TLN2: variants seen among roughly 807,000 people sequenced by gnomAD.
TLN2 encodes the protein talin 2.
Under a neutral mutation model 294.7 loss-of-function variants are expected in TLN2, and 118 were observed. The observed-to-expected ratio is 0.40, with a 90% CI of 0.34 to 0.47. The LOEUF is 0.47. TLN2 is among the 20% of genes least tolerant of loss of function. The pLI is 0.84. For missense variants in TLN2, 3,083 were observed against 3,282.2 expected (o/e 0.94, Z 1.48); for synonymous variants, 1,431 against 1,304.5 (o/e 1.10, Z -2.09).
intron 5 of TLN2, 89 bp downstream of exon 5, chr15:62,650,270 C>T (rs553090637): frequency 2.2e-6 from 3 of 1,341,896 alleles, no homozygotes; most frequent in Admixed American, 3.8e-5. Flanking sequence ...TATTTTGATT[C>T]AAGGGCATCT....
At chr15:62,509,455 C>G (rs930626782) in intron 1 of TLN2, among the ~76,000 whole-genome samples, 2 of 152,174 alleles carry the variant, frequency 1.3e-5, no homozygotes, top group Non-Finnish European at 2.9e-5. Context: ...CAGCTGGCAT[C>G]TCAAATCTGA....
rs372145437 is a variant in TLN2 at position 62,653,261 on chromosome 15, G to T, written c.464G>T (p.Arg155Leu). Residue 155 changes from arginine to leucine, a missense_variant, in exon 7 of 59, where the codon CGA becomes CTA. Coordinates refer to ENST00000636159, the MANE Select transcript of TLN2 (RefSeq NM_015059.3). ...CTCAAAAAAGACAGGACACTGTTAC[G>T]AGATGAGAGGAAAATGGAGAAGTTG... ...GTLKKDRTLL[R>L]DERKMEKLKA... 1.2e-6 allele frequency: 2 copies of T among 1,613,868 alleles called. No homozygotes were observed. Among genetic ancestry groups the T allele is most frequent in the Non-Finnish European group, 1.7e-6 (2 of 1,179,970 alleles).
At position 62,763,502 on chromosome 15, in the gene TLN2, G is replaced by A. The variant is rs1231591249; in HGVS notation, c.4962-61G>A. On this transcript the variant is annotated intron_variant, in intron 39 of 58. Coordinates refer to ENST00000636159, the MANE Select transcript of TLN2 (RefSeq NM_015059.3). The stretch of plus-strand genomic sequence containing the variant: ...CAGGGATCCTGGCCCACCAGTGCTG[G>A]AGCAGGCTGTGGGACTTGAGCCCCA... 8 of 1,545,756 alleles carry A rather than the reference G, an allele frequency of 5.2e-6. No homozygotes were observed. The East Asian group carries it at 1.6e-4, about 31-fold the overall frequency.
chr15:62,418,855 G>A (rs1202451593), intron 1 of TLN2, among the ~76,000 whole-genome samples: 2 of 152,140 alleles, frequency 1.3e-5, no homozygotes, highest in Non-Finnish European at 2.9e-5. Flanking sequence ...TCACAATGGT[G>A]GAATGTCATC....
intron 41 of TLN2, among the ~76,000 whole-genome samples, chr15:62,767,798 A>G (rs1247163779): frequency 6.6e-6 from 1 of 152,114 alleles, no homozygotes; most frequent in Non-Finnish European, 1.5e-5. Flanking sequence ...GAAGCTGGAC[A>G]TTTTTTCAGC....
intron 1 of TLN2, among the ~76,000 whole-genome samples, chr15:62,460,193 C>G (rs140442513): frequency 6.6e-6 from 1 of 152,030 alleles, no homozygotes; most frequent in Non-Finnish European, 1.5e-5. Context: ...AGCCATGTGT[C>G]CTAGCAGGTT....
intron 1 of TLN2, among the ~76,000 whole-genome samples, chr15:62,492,968 T>G (rs527507331): frequency 6.6e-6 from 1 of 152,342 alleles, no homozygotes; most frequent in Admixed American, 6.5e-5. Context: ...ATTTGAGGAC[T>G]CGGAGAGTTG....
At chr15:62,550,671 ATTG>A (rs2042243277) in intron 1 of TLN2, among the ~76,000 whole-genome samples, 1 of 152,114 alleles carries the variant, frequency 6.6e-6, no homozygotes, top group Admixed American at 6.5e-5. Context: ...TTTTCATAGA[ATTG>A]TTAAGACTTT....
intron 13 of TLN2, among the ~76,000 whole-genome samples, chr15:62,693,966 T>TTTTTTG (rs2058123917): frequency 2.8e-4 from 1 of 3,546 alleles, no homozygotes; most frequent in African/African-American, 3.2e-4. Context: ...TTTTTTTTTT[T>TTTTTTG]TTTTTTTTTT....
At position 62,555,541 on chromosome 15, in the gene TLN2, C is replaced by T. The variant is rs1266812971; in HGVS notation, c.-237-34146C>T. Among the ~76,000 whole-genome samples the T allele has an allele frequency of 2.6e-5, 4 of 152,172 alleles. No individual in the cohort carries two copies. The South Asian group carries it at 6.2e-4, about 24-fold the overall frequency. Reference sequence around the variant, plus strand: ...ATATAGGTTTTAACTGTGGCGTTTGCCACACCTGTGAACTTTTCTTTATGT... The same window carrying T: ...ATATAGGTTTTAACTGTGGCGTTTGTCACACCTGTGAACTTTTCTTTATGT... On this transcript the variant is annotated intron_variant, in intron 1 of 58. Transcript: ENST00000636159.
intron 1 of TLN2, among the ~76,000 whole-genome samples, chr15:62,507,473 T>C (rs759154297): frequency 2.6e-5 from 4 of 152,200 alleles, no homozygotes; most frequent in Admixed American, 6.5e-5. Context: ...CAGCTTTGAC[T>C]GAGTTTGGAG....
intron 1 of TLN2, among the ~76,000 whole-genome samples, chr15:62,445,065 C>T (rs1422646341): frequency 6.6e-6 from 1 of 152,130 alleles, no homozygotes; most frequent in African/African-American, 2.4e-5. Context: ...AAGTTCTGGG[C>T]AAGAGAGAGA....
chr15:62,680,304 TGATATAGAGA>T (rs2056702251), intron 11 of TLN2, among the ~76,000 whole-genome samples: 1 of 152,204 alleles, frequency 6.6e-6, no homozygotes, highest in South Asian at 2.1e-4. Flanking sequence ...CCCATAAACA[TGATATAGAGA>T]GCCTCCTTGA....
At chr15:62,514,027 CAACATTAGCTTTGCTAT>C (rs1389891667) in intron 1 of TLN2, among the ~76,000 whole-genome samples, 1 of 152,218 alleles carries the variant, frequency 6.6e-6, no homozygotes, top group Non-Finnish European at 1.5e-5. Flanking sequence ...GCAGAAACCT[CAACATTAGCTTTGCTAT>C]AACTTGAAAG....
chr15:62,815,173 TCTGTCACACACACACACACACACACACA>T (rs1352822973), intron 52 of TLN2, among the ~76,000 whole-genome samples: 21 of 134,048 alleles, frequency 1.6e-4, no homozygotes, highest in African/African-American at 4.6e-4. Flanking sequence ...TTTTATTCTG[TCTGTCACACACACACACACACACACACA>T]CACACACACA....
chr15:62,839,130 G>T, intron 58 of TLN2, 149 bp downstream of exon 58: 2 of 1,201,340 alleles, frequency 1.7e-6, no homozygotes, highest in Non-Finnish European at 2.3e-6. Flanking sequence ...CTGAGAGCCA[G>T]ATCCATCTGC....
chr15:62,443,574 A>G (rs1381455037), intron 1 of TLN2, among the ~76,000 whole-genome samples: 1 of 152,218 alleles, frequency 6.6e-6, no homozygotes, highest in African/African-American at 2.4e-5. Flanking sequence ...AAAATTCCTG[A>G]ACTTCAAACT....
intron 9 of TLN2, among the ~76,000 whole-genome samples, chr15:62,665,416 C>T (rs1024180593): frequency 4.6e-5 from 7 of 152,158 alleles, no homozygotes; most frequent in African/African-American, 1.7e-4. Flanking sequence ...AACTTATATT[C>T]ACCAAAGTTG....
intron 11 of TLN2, among the ~76,000 whole-genome samples, chr15:62,680,021 T>C (rs2141023949): frequency 6.6e-6 from 1 of 152,368 alleles, no homozygotes; most frequent in Middle Eastern, 3.4e-3. Context: ...TTCTTTATTT[T>C]GTTCTTGTTC....
Sources: allele counts gnomAD v4.1 joint callset (sites outside exome capture counted in the v4.1 genomes callset), GRCh38; gene constraint gnomAD v4.1.1; transcripts MANE v1.5; gene names NCBI Gene and HGNC (gene_info 2026-07-23, HGNC 2026-07-21).